The following RANBP3L variants were observed in gnomAD, a reference collection of about 807,000 sequenced individuals.
RANBP3L encodes the protein ran-binding protein 3-like.
Under a neutral mutation model 67.2 loss-of-function variants are expected in RANBP3L, and 56 were observed. The ratio of observed to expected loss-of-function variants is 0.83; its 90% CI spans 0.67 to 1.04. The LOEUF (loss-of-function observed/expected upper bound fraction) is 1.04, where lower values mean the gene tolerates loss of function less well. Among genes scored for constraint, RANBP3L ranks in the 50% least tolerant of loss-of-function variants. RANBP3L has a pLI of 0.00. For synonymous variants in RANBP3L, 164 were observed against 181.4 expected, an observed-to-expected ratio of 0.90 and a Z score of 0.77; for missense variants, 496 against 535.5, an observed-to-expected ratio of 0.93 and a Z score of 0.73.
chr5:36,272,627 GT>G (rs1464085369), intron 1 of RANBP3L, among the ~76,000 whole-genome samples: 1 of 151,984 alleles, frequency 6.6e-6, no homozygotes, highest in African/African-American at 2.4e-5. Flanking sequence ...GTTTAGTGGG[GT>G]TTTTTTGTTT....
intron 1 of RANBP3L, among the ~76,000 whole-genome samples, chr5:36,296,044 C>T (rs367684427): frequency 1.3e-4 from 20 of 152,238 alleles, no homozygotes; most frequent in East Asian, 7.7e-4. Flanking sequence ...ACTAAGAGGG[C>T]GGCACACCCT....
chr5:36,254,135 G>A (rs887185105), intron 11 of RANBP3L, among the ~76,000 whole-genome samples: 1 of 152,008 alleles, frequency 6.6e-6, no homozygotes, highest in African/African-American at 2.4e-5. Flanking sequence ...AATGGAATTA[G>A]TTAAATAAAT....
chr5:36,281,837 TG>T (rs1266846125), intron 1 of RANBP3L, among the ~76,000 whole-genome samples: 1 of 152,220 alleles, frequency 6.6e-6, no homozygotes, highest in Non-Finnish European at 1.5e-5. Context: ...AAGAAGAATG[TG>T]TTACTTTTGA....
intron 1 of RANBP3L, among the ~76,000 whole-genome samples, chr5:36,274,258 C>A (rs2111936771): frequency 6.6e-6 from 1 of 152,182 alleles, no homozygotes; most frequent in Middle Eastern, 3.4e-3. Context: ...ATAGAGCTTA[C>A]ACTGAGGAGG....
At chr5:36,259,819 A>G (rs1013575491) in intron 8 of RANBP3L, among the ~76,000 whole-genome samples, 7 of 152,110 alleles carry the variant, frequency 4.6e-5, no homozygotes, top group Non-Finnish European at 7.4e-5. Context: ...ATGGTTTTCC[A>G]CAGCTTTCAC....
At chr5:36,255,400 C>T in intron 11 of RANBP3L, 70 bp downstream of exon 11, 1 of 1,448,798 alleles carries the variant, frequency 6.9e-7, no homozygotes, top group Non-Finnish European at 9.4e-7. Context: ...ATGATGTGTA[C>T]CTATATTATT....
chr5:36,283,400 C>A (rs368273613), intron 1 of RANBP3L, among the ~76,000 whole-genome samples: 163 of 143,062 alleles, frequency 1.1e-3, no homozygotes, highest in Middle Eastern at 3.6e-3. Flanking sequence ...AAAAATGTTA[C>A]AAAAAAAAAA....
At chr5:36,296,277 G>T (rs1396277590) in intron 1 of RANBP3L, among the ~76,000 whole-genome samples, 2 of 152,142 alleles carry the variant, frequency 1.3e-5, no homozygotes, top group Non-Finnish European at 2.9e-5. Context: ...ATTGCTTGGG[G>T]ACACCTGAAA....
chr5:36,271,527 G>A (rs1750213709), intron 1 of RANBP3L, among the ~76,000 whole-genome samples: 1 of 152,110 alleles, frequency 6.6e-6, no homozygotes, highest in Non-Finnish European at 1.5e-5. Context: ...ATAGCAGTAT[G>A]TTTCCATAAA....
intron 1 of RANBP3L, among the ~76,000 whole-genome samples, chr5:36,274,317 G>A (rs1378449498): frequency 1.3e-5 from 2 of 152,066 alleles, no homozygotes; most frequent in Admixed American, 6.6e-5. Flanking sequence ...GTTCAACTGG[G>A]GTAAGCATTA....
At chr5:36,293,797 G>T (rs990594872) in intron 1 of RANBP3L, among the ~76,000 whole-genome samples, 1 of 148,412 alleles carries the variant, frequency 6.7e-6, no homozygotes, top group Non-Finnish European at 1.5e-5. Context: ...GCTGGATTCG[G>T]TTTGCCAGTA....
intron 3 of RANBP3L, 28 bp downstream of exon 3, chr5:36,269,923 T>C (rs1156580674): frequency 1.3e-6 from 2 of 1,590,384 alleles, no homozygotes; most frequent in East Asian, 2.2e-5. Context: ...TAAAGATTGA[T>C]TTTGGAATAC....
Position 36,261,919 on chromosome 5 carries a change from C to G in RANBP3L, c.584+20G>C. On this transcript the variant is annotated intron_variant, in intron 7 of 13. Transcript: ENST00000296604. Reference sequence around the variant, plus strand: ...ATGCAAGAATGAAAGGACAACGCTTCTATTTTCTCATTAACTTACCCTACT... The same window carrying G: ...ATGCAAGAATGAAAGGACAACGCTTGTATTTTCTCATTAACTTACCCTACT... The G allele has an allele frequency of 8.8e-7, 1 of 1,141,162 alleles. No homozygotes were observed. Among genetic ancestry groups the G allele is most frequent in the Admixed American group, 2.0e-5 (1 of 49,340 alleles). The allele number at this position is 1,141,162 out of a possible 1,614,324, so 70.7% of individuals were successfully genotyped here. A position where few individuals can be genotyped will look rare whatever the true frequency, so the allele number is the denominator to read the frequency against.
intron 1 of RANBP3L, among the ~76,000 whole-genome samples, chr5:36,276,427 A>T (rs1750570416): frequency 6.6e-6 from 1 of 152,132 alleles, no homozygotes; most frequent in South Asian, 2.1e-4. Context: ...ATTGTCCTAG[A>T]CTATTATTCT....
At chr5:36,291,490 C>T (rs965649773) in intron 1 of RANBP3L, among the ~76,000 whole-genome samples, 21 of 151,956 alleles carry the variant, frequency 1.4e-4, no homozygotes, top group African/African-American at 4.6e-4. Flanking sequence ...TGCTGGTGCG[C>T]TGCACCCACT....
intron 1 of RANBP3L, among the ~76,000 whole-genome samples, chr5:36,287,882 A>G (rs1579770188): frequency 6.6e-6 from 1 of 152,130 alleles, no homozygotes; most frequent in East Asian, 1.9e-4. Context: ...AGCTGTGGGT[A>G]CTCTGCCAGT....
intron 1 of RANBP3L, among the ~76,000 whole-genome samples, chr5:36,284,935 T>C (rs1751221546): frequency 6.6e-6 from 1 of 152,194 alleles, no homozygotes; most frequent in Non-Finnish European, 1.5e-5. Flanking sequence ...CCAGCCATCA[T>C]CCAAGTCCTT....
chr5:36,265,077 T>A lies in RANBP3L; in HGVS notation c.362A>T (p.His121Leu). 1.2e-6 allele frequency: 2 copies of A among 1,607,412 alleles called. No individual in the cohort carries two copies. Among genetic ancestry groups the A allele is most frequent in the Non-Finnish European group, 1.7e-6 (2 of 1,174,938 alleles). ...CTGCAAAATAGCAGGTCTAATAACATGTTTAGAATGTTTCACAGGACCTTA... is the reference window on the plus strand; with the variant it reads ...CTGCAAAATAGCAGGTCTAATAACAAGTTTAGAATGTTTCACAGGACCTTA... ...AEQGPVKHSK[H>L]VIRPAILQLP... The change falls in exon 6 of 14, where the codon CAT becomes CTT. Residue 121 changes from histidine to leucine, a missense_variant. Transcript: ENST00000296604.
chr5:36,281,974 G>C (rs886172444), intron 1 of RANBP3L, among the ~76,000 whole-genome samples: 12 of 152,100 alleles, frequency 7.9e-5, no homozygotes, highest in African/African-American at 2.9e-4. Context: ...AGCAAATGTG[G>C]GACTTCTGGA....
Sources: allele counts gnomAD v4.1 joint callset (sites outside exome capture counted in the v4.1 genomes callset), GRCh38; gene constraint gnomAD v4.1.1; transcripts MANE v1.5; gene names NCBI Gene and HGNC (gene_info 2026-07-23, HGNC 2026-07-21).